Variants in PCDHGA8 observed in about 807,000 individuals in gnomAD.
PCDHGA8 encodes the protein protocadherin gamma subfamily A, 8, also known as protocadherin gamma-A8.
Under a neutral mutation model 59.2 loss-of-function variants are expected in PCDHGA8, and 45 were observed. The observed-to-expected ratio is 0.76, with a 90% CI of 0.60 to 0.98. The LOEUF is 0.98. PCDHGA8 is among the 50% of genes least tolerant of loss of function. The pLI is 0.00. For missense variants in PCDHGA8, 1,257 were observed against 1,196.2 expected, an observed-to-expected ratio of 1.05 and a Z score of -0.75; for synonymous variants, 531 against 519.0, an observed-to-expected ratio of 1.02 and a Z score of -0.32.
In PCDHGA8 at chr5:141,485,580, A is replaced by C. The variant is rs761157560; in HGVS notation, c.2425-9227A>C. The C allele has an allele frequency of 6.2e-7, 1 of 1,612,610 alleles. No homozygotes were observed. The highest frequency in any genetic ancestry group is 2.2e-5 in the East Asian group (1 of 44,850). ...GATCACGCCCCCCGTTTTCCGCGGCAGCAGCTGGACTTGGAAATTGGGGAG... is the reference window on the plus strand; with the variant it reads ...GATCACGCCCCCCGTTTTCCGCGGCCGCAGCTGGACTTGGAAATTGGGGAG... On this transcript the variant is annotated intron_variant, in intron 1 of 3. Transcript: ENST00000398604. The surrounding 1 kb of genome is among the most constrained non-coding windows in gnomAD (Gnocchi z 5.7).
chr5:141,397,571 A>G (rs1205930640), intron 1 of PCDHGA8, among the ~76,000 whole-genome samples: 1 of 152,224 alleles, frequency 6.6e-6, no homozygotes, highest in East Asian at 1.9e-4. Flanking sequence ...GAGAGCAAGA[A>G]CTGTATCATA....
chr5:141,439,211 A>G (rs1438403213), intron 1 of PCDHGA8, among the ~76,000 whole-genome samples: 1 of 151,666 alleles, frequency 6.6e-6, no homozygotes, highest in Non-Finnish European at 1.5e-5. Flanking sequence ...AAAAATCCAT[A>G]TGTGAAAATT....
chr5:141,433,514 G>C (rs1330494451), intron 1 of PCDHGA8, among the ~76,000 whole-genome samples: 1 of 152,016 alleles, frequency 6.6e-6, no homozygotes, highest in East Asian at 1.9e-4. Context: ...GATTACAGGC[G>C]TGAACCACAG....
At chr5:141,419,094 G>C in intron 1 of PCDHGA8, 2 of 1,613,894 alleles carry the variant, frequency 1.2e-6, no homozygotes, top group Non-Finnish European at 1.7e-6. Context: ...GCCCTGGATC[G>C]GGAGCAGACC....
chr5:141,468,458 G>A (rs1047447240), intron 1 of PCDHGA8: 3 of 152,134 alleles, frequency 2.0e-5, no homozygotes, highest in African/African-American at 7.2e-5. Flanking sequence ...ATTAAAGCAA[G>A]TTATTTCTGA....
At chr5:141,475,910 G>A in intron 1 of PCDHGA8, 1 of 588,414 alleles carries the variant, frequency 1.7e-6, no homozygotes, top group South Asian at 2.3e-5. Context: ...GTCGGCCAAT[G>A]AAGACGCTGG....
rs200491568 is a variant in PCDHGA8, at chr5:141,493,146, G to A, written c.2425-1661G>A. 9.6e-6 allele frequency among the ~76,000 whole-genome samples: 1 copy of A among 104,172 alleles called. No homozygotes were observed. The highest frequency in any genetic ancestry group is 3.1e-5 in the African/African-American group (1 of 32,680). 68.3% of individuals were successfully genotyped at this position (104,172 alleles called of 152,430 possible). A position where few individuals can be genotyped will look rare whatever the true frequency, so the allele number is the denominator to read the frequency against. On this transcript the variant is annotated intron_variant, in intron 1 of 3. Transcript: ENST00000398604. The surrounding 1 kb of genome is among the most constrained non-coding windows in gnomAD (Gnocchi z 4.3). ...AGGACTGTATTTTGAAACACCCCCA[G>A]GTGATTTTGATAGCTGATTGAGAGA... is the stretch of plus-strand genomic sequence containing the variant.
chr5:141,463,548 A>C (rs2099063677), intron 1 of PCDHGA8, among the ~76,000 whole-genome samples: 1 of 140,798 alleles, frequency 7.1e-6, no homozygotes, highest in Non-Finnish European at 1.5e-5. Context: ...TCCCGGGTTC[A>C]TGCCATTCTC....
At chr5:141,400,116 C>T in intron 1 of PCDHGA8, 2 of 1,614,086 alleles carry the variant, frequency 1.2e-6, no homozygotes, top group Non-Finnish European at 1.7e-6. Context: ...TTGCTGACAG[C>T]TTGCAGGAGG....
At chr5:141,434,136 TC>T (rs2097674430) in intron 1 of PCDHGA8, among the ~76,000 whole-genome samples, 1 of 152,246 alleles carries the variant, frequency 6.6e-6, no homozygotes, top group Non-Finnish European at 1.5e-5. Context: ...TAGGCTGATT[TC>T]TATGTCCTTT....
chr5:141,481,260 A>C (rs2099534771), intron 1 of PCDHGA8, among the ~76,000 whole-genome samples: 1 of 152,166 alleles, frequency 6.6e-6, no homozygotes, highest in Non-Finnish European at 1.5e-5. Context: ...CTAAAAGATC[A>C]CTGTAGGAAG....
chr5:141,449,562 C>T (rs1374591292), intron 1 of PCDHGA8, among the ~76,000 whole-genome samples: 1 of 143,862 alleles, frequency 7.0e-6, no homozygotes, highest in East Asian at 2.0e-4. Context: ...GCACTCCAGC[C>T]TGGGCGACAG....
At chr5:141,428,175 G>A (rs766332920) in intron 1 of PCDHGA8, 20 of 1,508,456 alleles carry the variant, frequency 1.3e-5, no homozygotes, top group Non-Finnish European at 1.8e-5. Flanking sequence ...GTGCGTGACG[G>A]AGGACAGCCG....
chr5:141,438,386 T>C (rs757664430), intron 1 of PCDHGA8, among the ~76,000 whole-genome samples: 1 of 151,778 alleles, frequency 6.6e-6, no homozygotes, highest in Admixed American at 6.6e-5. Flanking sequence ...AATTTCTTAG[T>C]TCATCATTAA....
At chr5:141,446,968 G>A (rs1052445705) in intron 1 of PCDHGA8, among the ~76,000 whole-genome samples, 12 of 152,050 alleles carry the variant, frequency 7.9e-5, no homozygotes, top group African/African-American at 2.4e-4. Flanking sequence ...AGGGAAATTT[G>A]CTGTCTAATT....
chr5:141,393,143 T>G lies in PCDHGA8; in HGVS notation c.330T>G (p.Val110=). ...GTCTGATAAATATTAACACCCTGGT[T>G]GAGGATAAAGGAAAACTCTTTGGGG... ...PRCLININTL[V]EDKGKLFGVE... Residue 110 remains valine, a synonymous_variant, in exon 1 of 4, where the codon GTT becomes GTG. Coordinates refer to ENST00000398604, the MANE Select transcript of PCDHGA8 (RefSeq NM_032088.2). 6.2e-7 allele frequency: 1 copy of G among 1,613,290 alleles called. No individual in the cohort carries two copies. The highest frequency in any genetic ancestry group is 8.5e-7 in the Non-Finnish European group (1 of 1,179,886).
intron 1 of PCDHGA8, chr5:141,423,755 G>A (rs1236551808): frequency 2.5e-5 from 13 of 512,416 alleles, no homozygotes; most frequent in Non-Finnish European, 3.4e-5. Context: ...CTGTTTGGGG[G>A]GGGGGTGGGG....
intron 2 of PCDHGA8, among the ~76,000 whole-genome samples, chr5:141,501,907 G>T (rs4912761): frequency 0.59 from 89,145 of 151,782 alleles, 27,774 homozygotes; most frequent in African/African-American, 0.8. Context: ...CAACCCCACT[G>T]TTCCACTCAG....
At chr5:141,481,024 C>CTGGA (rs1200299352) in intron 1 of PCDHGA8, among the ~76,000 whole-genome samples, 3 of 152,122 alleles carry the variant, frequency 2.0e-5, no homozygotes, top group Admixed American at 1.3e-4. Flanking sequence ...CACCACTGCA[C>CTGGA]TCCAGCCTGG....
Sources: allele counts gnomAD v4.1 joint callset (sites outside exome capture counted in the v4.1 genomes callset), GRCh38; gene constraint gnomAD v4.1.1; non-coding constraint Gnocchi (gnomAD v3.1); transcripts MANE v1.5; gene names NCBI Gene and HGNC (gene_info 2026-07-23, HGNC 2026-07-21).